Variants in RHBDD1 observed in about 807,000 individuals in gnomAD.
RHBDD1 encodes the protein rhomboid-related protein 4.
Under a neutral mutation model 36.3 loss-of-function variants are expected in RHBDD1, and 38 were observed. The ratio of observed to expected loss-of-function variants is 1.05; its 90% CI spans 0.81 to 1.37. The LOEUF is 1.37. Among genes scored for constraint, RHBDD1 ranks in the 40% most tolerant of loss-of-function variants. The probability of loss-of-function intolerance (pLI) is 0.00; values close to 1 mark genes in which losing one functional copy is unlikely to be tolerated. For missense variants in RHBDD1, 393 were observed against 377.6 expected, an observed-to-expected ratio of 1.04 and a Z score of -0.34; for synonymous variants, 151 against 136.5, an observed-to-expected ratio of 1.11 and a Z score of -0.74.
intron 5 of RHBDD1, among the ~76,000 whole-genome samples, chr2:226,882,993 A>G (rs114543054): frequency 0.011 from 1,623 of 152,248 alleles, 26 homozygotes; most frequent in South Asian, 0.043. Flanking sequence ...CCACCCTCCT[A>G]ACTTCATCTA....
At chr2:226,881,858 C>G (rs920352295) in intron 5 of RHBDD1, among the ~76,000 whole-genome samples, 1 of 152,076 alleles carries the variant, frequency 6.6e-6, no homozygotes, top group African/African-American at 2.4e-5. Flanking sequence ...CCTTTTTAGC[C>G]AGTTCTATTT....
intron 8 of RHBDD1, among the ~76,000 whole-genome samples, chr2:226,923,740 C>A (rs1051461075): frequency 2.0e-5 from 3 of 151,934 alleles, no homozygotes; most frequent in Non-Finnish European, 2.9e-5. Flanking sequence ...TTTCAAATAG[C>A]CTGTCTTCAG....
At chr2:226,988,118 T>C (rs1287028829) in intron 8 of RHBDD1, among the ~76,000 whole-genome samples, 1 of 152,196 alleles carries the variant, frequency 6.6e-6, no homozygotes, top group Non-Finnish European at 1.5e-5. Flanking sequence ...CAATATTTTA[T>C]TCTATTTTGA....
intron 6 of RHBDD1, chr2:226,908,191 TG>T (rs1349634233): frequency 6.6e-6 from 1 of 152,192 alleles, no homozygotes; most frequent in African/African-American, 2.4e-5. Flanking sequence ...GCAAATAGCC[TG>T]CGAACTCGGC....
At chr2:226,924,399 T>G (rs1949533247) in intron 8 of RHBDD1, among the ~76,000 whole-genome samples, 1 of 152,168 alleles carries the variant, frequency 6.6e-6, no homozygotes, top group Non-Finnish European at 1.5e-5. Flanking sequence ...AAAACAAATT[T>G]GTCTTTACTC....
At chr2:226,890,780 A>T (rs763455874) in intron 5 of RHBDD1, among the ~76,000 whole-genome samples, 2 of 152,222 alleles carry the variant, frequency 1.3e-5, no homozygotes, top group Non-Finnish European at 2.9e-5. Flanking sequence ...CATATATTCC[A>T]TAAATATATA....
chr2:226,864,755 A>T lies in RHBDD1; in HGVS notation c.62A>T (p.His21Leu). ...ATTCTACTCCTTTCTCAAATCTTCC[A>T]TGTTGGGATCAACAATATTCCACCT... ...GLILLLSQIF[H>L]VGINNIPPVT... The change falls in exon 4 of 9, where the codon CAT becomes CTT. Residue 21 changes from histidine (H) to leucine (L), a missense_variant. His to Leu is a moderately conservative substitution (Grantham distance 99). Coordinates refer to ENST00000392062, the MANE Select transcript of RHBDD1 (RefSeq NM_001167608.3). The T allele has an allele frequency of 6.2e-7, 1 of 1,614,182 alleles. No homozygotes were observed. The highest frequency in any genetic ancestry group is 8.5e-7 in the Non-Finnish European group (1 of 1,180,010).
At chr2:226,881,623 G>A (rs1414351151) in intron 5 of RHBDD1, among the ~76,000 whole-genome samples, 1 of 142,696 alleles carries the variant, frequency 7.0e-6, no homozygotes. Flanking sequence ...GTGAAGTGCT[G>A]GAACTATTTT....
At chr2:226,905,145 G>A (rs1002527629) in intron 5 of RHBDD1, among the ~76,000 whole-genome samples, 2 of 145,574 alleles carry the variant, frequency 1.4e-5, no homozygotes, top group African/African-American at 5.1e-5. Context: ...GTGGGAATGC[G>A]TTCATTTGCT....
intron 8 of RHBDD1, among the ~76,000 whole-genome samples, chr2:226,994,497 T>A (rs775892042): frequency 6.6e-6 from 1 of 152,192 alleles, no homozygotes; most frequent in Admixed American, 6.5e-5. Context: ...CTGGTTGATG[T>A]AGGTGATGGG....
At chr2:226,989,983 G>A (rs769496107) in intron 8 of RHBDD1, among the ~76,000 whole-genome samples, 2 of 152,150 alleles carry the variant, frequency 1.3e-5, no homozygotes, top group African/African-American at 2.4e-5. Context: ...ATAGAAATGC[G>A]AATGTTTTCT....
At chr2:226,879,811 T>G (rs1487544670) in intron 5 of RHBDD1, among the ~76,000 whole-genome samples, 1 of 152,160 alleles carries the variant, frequency 6.6e-6, no homozygotes, top group African/African-American at 2.4e-5. Flanking sequence ...AAGAGAAACC[T>G]CCTTCAACAA....
chr2:226,922,640 A>G (rs1275943266), intron 8 of RHBDD1, among the ~76,000 whole-genome samples: 2 of 151,472 alleles, frequency 1.3e-5, no homozygotes, highest in African/African-American at 4.9e-5. Flanking sequence ...GTAAAGATTT[A>G]CTCCTACCAT....
chr2:226,957,881 T>TTTTTAAAATAAAAATA (rs1473647925), intron 8 of RHBDD1, among the ~76,000 whole-genome samples: 119 of 152,298 alleles, frequency 7.8e-4, no homozygotes, highest in African/African-American at 2.8e-3. Flanking sequence ...ATAGTAATTA[T>TTTTTAAAATAAAAATA]TTTTAAAGGC....
chr2:226,943,225 CA>C (rs1406720818), intron 8 of RHBDD1, among the ~76,000 whole-genome samples: 1 of 152,058 alleles, frequency 6.6e-6, no homozygotes, highest in Non-Finnish European at 1.5e-5. Flanking sequence ...ATCAGAGGAC[CA>C]AAGATCTCCT....
intron 8 of RHBDD1, among the ~76,000 whole-genome samples, chr2:226,946,915 C>T (rs1400249009): frequency 1.3e-5 from 2 of 152,210 alleles, no homozygotes; most frequent in African/African-American, 2.4e-5. Context: ...GCTGGTTCAA[C>T]ATACACGAAT....
chr2:226,919,591 A>C lies in RHBDD1; in HGVS notation c.856+5240A>C, dbSNP rs1396991568. ...TATTGAAGAGACTGTCCTTTCCCCC[A>C]GTGTATTCTCTTGGCACCTTTTTTG... On this transcript the variant is annotated intron_variant, in intron 8 of 8. Transcript: ENST00000392062. Among the ~76,000 whole-genome samples, 3 of 152,118 alleles carry C rather than the reference A, an allele frequency of 2.0e-5. No individual in the cohort carries two copies. The East Asian group carries it at 5.8e-4, about 29-fold the overall frequency.
At chr2:226,883,029 A>G (rs140965178) in intron 5 of RHBDD1, among the ~76,000 whole-genome samples, 6 of 152,308 alleles carry the variant, frequency 3.9e-5, no homozygotes, top group African/African-American at 7.2e-5. Flanking sequence ...CAAAGACCCC[A>G]TCTCTAAATA....
intron 8 of RHBDD1, among the ~76,000 whole-genome samples, chr2:226,964,125 G>A (rs1051180363): frequency 1.3e-5 from 2 of 152,162 alleles, no homozygotes; most frequent in African/African-American, 4.8e-5. Context: ...GAGAGAGGAA[G>A]AGAGCAAGTG....
Sources: gnomAD v4.1 joint callset for allele counts (sites outside exome capture counted in the v4.1 genomes callset) on GRCh38, gnomAD v4.1.1 for gene constraint, MANE v1.5 for transcripts, NCBI Gene and HGNC (gene_info 2026-07-23, HGNC 2026-07-21) for gene names.